Variants in NRXN3 observed in about 807,000 individuals in gnomAD.
NRXN3 encodes the protein neurexin III.
Under a neutral mutation model 137.6 loss-of-function variants are expected in NRXN3, and 32 were observed. The observed-to-expected ratio is 0.23, with a 90% confidence interval of 0.18 to 0.31. The LOEUF (loss-of-function observed/expected upper bound fraction) is 0.31, where lower values mean the gene tolerates loss of function less well. Among genes scored for constraint, NRXN3 ranks in the 10% least tolerant of loss-of-function variants. The pLI, the probability that NRXN3 is intolerant of heterozygous loss-of-function variation, is 1.00. For synonymous variants in NRXN3, 798 were observed against 784.5 expected, an observed-to-expected ratio of 1.02 and a Z score of -0.29; for missense variants, 1,574 against 2,062.5, an observed-to-expected ratio of 0.76 and a Z score of 4.59.
In NRXN3 at chr14:79,317,187, G is replaced by C. The variant is rs957169262; in HGVS notation, c.3263-150034G>C. 3.5e-4 allele frequency among the ~76,000 whole-genome samples: 53 copies of C among 152,138 alleles called. 1 individual carries two copies. The highest frequency in any genetic ancestry group is 2.2e-3 in the Admixed American group (34 of 15,284). On this transcript the variant is annotated intron_variant, in intron 15 of 20. Transcript: ENST00000335750. ...GTGGAGGTTGCAGTGAGCTGAGATC[G>C]TGCCACTGCACTCCAGCCTGGGTGA...
chr14:79,581,575 CTT>C (rs2097716600), intron 16 of NRXN3, among the ~76,000 whole-genome samples: 1 of 152,142 alleles, frequency 6.6e-6, no homozygotes, highest in South Asian at 2.1e-4. Context: ...TTGTTCATGT[CTT>C]TGTTTCTTTG....
chr14:78,538,691 C>A (rs2096560223), intron 4 of NRXN3, among the ~76,000 whole-genome samples: 1 of 151,982 alleles, frequency 6.6e-6, no homozygotes, highest in Non-Finnish European at 1.5e-5. Context: ...TGTCTTGTGC[C>A]AGTTTTCAAA....
intron 6 of NRXN3, among the ~76,000 whole-genome samples, chr14:78,688,582 G>A (rs941141532): frequency 2.6e-5 from 4 of 152,138 alleles, no homozygotes; most frequent in African/African-American, 9.7e-5. Flanking sequence ...TGTAATCATA[G>A]CAGTAAAGTG....
In NRXN3 at chr14:78,671,273, T is replaced by A. The variant is rs149856221; in HGVS notation, c.1221+19947T>A. Among the ~76,000 whole-genome samples, 104 of 152,262 alleles carry A rather than the reference T, an allele frequency of 6.8e-4. No homozygotes were observed. In the South Asian group the frequency reaches 0.012, roughly 17 times the overall value. ...CTGAGAATTTAGACATTGTAGGTAA[T>A]CATTTTGTTTTGCTTTTGAATGACA... On this transcript the variant is annotated intron_variant, in intron 6 of 20. Transcript: ENST00000335750.
chr14:79,681,418 C>T (rs950421044), intron 17 of NRXN3, among the ~76,000 whole-genome samples: 4 of 152,220 alleles, frequency 2.6e-5, no homozygotes, highest in East Asian at 3.9e-4. Flanking sequence ...TCTGGGTTGG[C>T]TTGGATGGAG....
intron 8 of NRXN3, among the ~76,000 whole-genome samples, chr14:78,787,921 A>C (rs1258283507): frequency 1.3e-5 from 2 of 152,038 alleles, no homozygotes; most frequent in African/African-American, 4.8e-5. Context: ...CGTCGCCCTT[A>C]TTTCTCTATT....
At chr14:78,803,575 G>T in intron 8 of NRXN3, 45 bp from the exon 9 acceptor site, 2 of 1,586,182 alleles carry the variant, frequency 1.3e-6, no homozygotes, top group Non-Finnish European at 1.7e-6. Context: ...TTTGGCAACT[G>T]TGACATCCGT....
chr14:78,532,573 C>T (rs921302717), intron 4 of NRXN3, among the ~76,000 whole-genome samples: 4 of 151,998 alleles, frequency 2.6e-5, no homozygotes, highest in African/African-American at 9.7e-5. Context: ...TCTCTCCACA[C>T]TCACCCCACC....
At chr14:79,659,483 TTC>T (rs2098522684) in intron 16 of NRXN3, among the ~76,000 whole-genome samples, 2 of 152,210 alleles carry the variant, frequency 1.3e-5, no homozygotes, top group East Asian at 1.9e-4. Context: ...TTAATATATA[TTC>T]TGTTTGCTAA....
chr14:78,901,544 C>A (rs1277380017), intron 10 of NRXN3, among the ~76,000 whole-genome samples: 4 of 151,972 alleles, frequency 2.6e-5, no homozygotes, highest in African/African-American at 9.7e-5. Context: ...ATGATATGAT[C>A]TCTATCAAAG....
At chr14:79,028,855 G>A (rs890498548) in intron 15 of NRXN3, among the ~76,000 whole-genome samples, 9 of 152,126 alleles carry the variant, frequency 5.9e-5, no homozygotes, top group Admixed American at 4.6e-4. Context: ...AAGGGGTATA[G>A]TTCTTTTGCT....
intron 17 of NRXN3, among the ~76,000 whole-genome samples, chr14:79,685,258 A>G (rs1306541935): frequency 6.6e-6 from 1 of 152,144 alleles, no homozygotes; most frequent in East Asian, 1.9e-4. Flanking sequence ...CCGCAATCCC[A>G]TGTTGCAATT....
chr14:79,753,565 T>A lies in NRXN3; in HGVS notation c.4015-51547T>A, dbSNP rs1429452506. On this transcript the variant is annotated intron_variant, in intron 19 of 20. Transcript: ENST00000335750. ...AAGGGGAACATCACACTCTGGGGAC[T>A]GTTGTGGGGTGGGGGGAGGGGGGAG... Among the ~76,000 whole-genome samples the A allele has an allele frequency of 7.7e-5, 7 of 91,226 alleles. No homozygotes were observed. The Admixed American group carries it at 1.0e-3, about 13-fold the overall frequency. The allele number at this position is 91,226 out of a possible 152,430, so 59.8% of individuals were successfully genotyped here. A position where few individuals can be genotyped will look rare whatever the true frequency, so the allele number is the denominator to read the frequency against.
intron 15 of NRXN3, among the ~76,000 whole-genome samples, chr14:79,371,982 C>T (rs1420816280): frequency 6.6e-6 from 1 of 152,104 alleles, no homozygotes; most frequent in Non-Finnish European, 1.5e-5. Flanking sequence ...TAAAATCAGT[C>T]TGCCAAATAT....
chr14:78,810,514 G>T (rs1189958149), intron 10 of NRXN3, among the ~76,000 whole-genome samples, 170 bp downstream of exon 10: 1 of 151,798 alleles, frequency 6.6e-6, no homozygotes, highest in Non-Finnish European at 1.5e-5. Flanking sequence ...AGGGTGAAGG[G>T]CTGAGTGTGG....
At chr14:79,818,046 G>GTTTTTTT (rs55815632) in intron 20 of NRXN3, among the ~76,000 whole-genome samples, 1 of 90,316 alleles carries the variant, frequency 1.1e-5, no homozygotes, top group African/African-American at 4.2e-5. Flanking sequence ...GTGCACTTGG[G>GTTTTTTT]TTTTTTTTTT....
intron 14 of NRXN3, among the ~76,000 whole-genome samples, chr14:78,983,361 A>G (rs1473126601): frequency 3.9e-5 from 6 of 152,244 alleles, no homozygotes; most frequent in African/African-American, 1.4e-4. Flanking sequence ...TCATTGCAGC[A>G]TTAATCACAA....
chr14:79,223,098 G>A (rs771151779), intron 15 of NRXN3, among the ~76,000 whole-genome samples: 1 of 152,056 alleles, frequency 6.6e-6, no homozygotes, highest in Non-Finnish European at 1.5e-5. Flanking sequence ...TTTCACCTGA[G>A]TTAGAAAACT....
chr14:78,514,246 G>A (rs2096164662), intron 4 of NRXN3, among the ~76,000 whole-genome samples: 1 of 152,080 alleles, frequency 6.6e-6, no homozygotes, highest in Non-Finnish European at 1.5e-5. Flanking sequence ...ACTAATATTT[G>A]AATGATAAAT....
Sources: gnomAD v4.1 joint callset for allele counts (sites outside exome capture counted in the v4.1 genomes callset) on GRCh38, gnomAD v4.1.1 for gene constraint, MANE v1.5 for transcripts, NCBI Gene and HGNC (gene_info 2026-07-23, HGNC 2026-07-21) for gene names.